Variants in GNG4 observed in about 807,000 individuals in gnomAD.
GNG4 encodes guanine nucleotide-binding protein G(I)/G(S)/G(O) subunit gamma-4.
Under a neutral mutation model 5.8 loss-of-function variants are expected in GNG4, and 4 were observed. The ratio of observed to expected loss-of-function variants is 0.69; its 90% CI spans 0.34 to 1.57. The LOEUF (loss-of-function observed/expected upper bound fraction) is 1.57. Ranked by LOEUF, GNG4 falls within the 40% of genes most tolerant of loss-of-function variation. The probability of loss-of-function intolerance (pLI) is 0.06; values close to 1 mark genes in which losing one functional copy is unlikely to be tolerated. For synonymous variants in GNG4, 29 were observed against 32.9 expected, an observed-to-expected ratio of 0.88 and a Z score of 0.41; for missense variants, 96 against 95.1, an observed-to-expected ratio of 1.01 and a Z score of -0.04.
At chr1:235,593,445 G>C (rs1304491319) in intron 2 of GNG4, among the ~76,000 whole-genome samples, 3 of 152,170 alleles carry the variant, frequency 2.0e-5, no homozygotes, top group African/African-American at 7.2e-5. Flanking sequence ...TACGACTTCT[G>C]TCCATGAGCA....
intron 2 of GNG4, among the ~76,000 whole-genome samples, chr1:235,593,483 TACAGCC>T (rs1688035005): frequency 1.3e-5 from 2 of 152,246 alleles, no homozygotes; most frequent in African/African-American, 2.4e-5. Flanking sequence ...GGCAGAATAC[TACAGCC>T]GGCCTTCCGG....
intron 1 of GNG4, chr1:235,616,388 C>T: frequency 3.1e-6 from 1 of 326,352 alleles, no homozygotes; most frequent in Admixed American, 3.6e-5. Context: ...AGGACAGATC[C>T]AGATTGGGTA....
chr1:235,604,182 C>CT (rs1163018089), intron 1 of GNG4, among the ~76,000 whole-genome samples: 1 of 152,162 alleles, frequency 6.6e-6, no homozygotes, highest in Non-Finnish European at 1.5e-5. Flanking sequence ...ACGGTGTTGA[C>CT]CGGCACGTAT....
chr1:235,574,049 C>A (rs1302437755), intron 3 of GNG4, among the ~76,000 whole-genome samples: 2 of 152,024 alleles, frequency 1.3e-5, no homozygotes, highest in Non-Finnish European at 2.9e-5. Context: ...TGGTTATAGA[C>A]CATTCCAATT....
At chr1:235,555,777 C>T (rs1484988603) in intron 3 of GNG4, among the ~76,000 whole-genome samples, 1 of 151,712 alleles carries the variant, frequency 6.6e-6, no homozygotes. Flanking sequence ...TACGTGTATA[C>T]ATTATAGAAT....
intron 1 of GNG4, among the ~76,000 whole-genome samples, chr1:235,609,911 T>A (rs1405646369): frequency 1.3e-5 from 2 of 152,080 alleles, no homozygotes; most frequent in Non-Finnish European, 2.9e-5. Flanking sequence ...CTTGAACCAC[T>A]TGAATGGGAG....
rs1272260458 is a variant in GNG4, at chr1:235,642,875, C to T, written c.-123+6787G>A. Reference sequence around the variant, plus strand: ...CCCTCGATGTCACCTCCTGACTTGGCAAGTCATACACCCTCTCTCTACTTG... The same window carrying T: ...CCCTCGATGTCACCTCCTGACTTGGTAAGTCATACACCCTCTCTCTACTTG... On this transcript the variant is annotated intron_variant, in intron 1 of 3. Coordinates refer to ENST00000391854, the MANE Select transcript of GNG4 (RefSeq NM_001098722.2). The surrounding 1 kb of genome is among the most constrained non-coding windows in gnomAD (Gnocchi z 4.3). Among the ~76,000 whole-genome samples the T allele has an allele frequency of 6.6e-6, 1 of 152,092 alleles. No individual in the cohort carries two copies. Among genetic ancestry groups the T allele is most frequent in the Non-Finnish European group, 1.5e-5 (1 of 68,010 alleles).
chr1:235,631,541 C>G (rs555292630), intron 1 of GNG4, among the ~76,000 whole-genome samples: 1 of 151,558 alleles, frequency 6.6e-6, no homozygotes, highest in Non-Finnish European at 1.5e-5. Context: ...TGTTTGCATG[C>G]CCAGCGTAGC....
chr1:235,590,682 T>A (rs1204430071), intron 2 of GNG4, among the ~76,000 whole-genome samples: 3 of 152,148 alleles, frequency 2.0e-5, no homozygotes, highest in Non-Finnish European at 4.4e-5. Context: ...GTGTGCGTGT[T>A]TGTGTTTTCT....
intron 3 of GNG4, among the ~76,000 whole-genome samples, chr1:235,581,353 C>T (rs1166693452): frequency 6.6e-6 from 1 of 151,988 alleles, no homozygotes; most frequent in Admixed American, 6.6e-5. Context: ...CACGGTGAAA[C>T]CCCGTCTCTA....
chr1:235,574,744 T>G (rs563042342), intron 3 of GNG4, among the ~76,000 whole-genome samples: 13 of 152,334 alleles, frequency 8.5e-5, no homozygotes, highest in African/African-American at 2.2e-4. Flanking sequence ...TCTTTCTCTT[T>G]TTCTGTTTTC....
Position 235,587,589 on chromosome 1 carries a change from G to GGA in GNG4, c.-10-3742_-10-3741insTC, listed in dbSNP as rs1558486299. ...GGGAGGGTGTGGGGTGGCGGTGAGT[G>GGA]TGAGTGTGGGAGGGCATGGGGTGGG... On this transcript the variant is annotated intron_variant, in intron 2 of 3. Coordinates refer to ENST00000391854, the MANE Select transcript of GNG4 (RefSeq NM_001098722.2). 8.3e-4 allele frequency among the ~76,000 whole-genome samples: 4 copies of GGA among 4,848 alleles called. 1 individual carries two copies. Among genetic ancestry groups the GGA allele is most frequent in the East Asian group, 0.017 (2 of 120 alleles). 3.2% of individuals were successfully genotyped at this position (4,848 alleles called of 152,430 possible).
At chr1:235,597,350 G>C (rs1220208628) in intron 1 of GNG4, among the ~76,000 whole-genome samples, 1 of 152,142 alleles carries the variant, frequency 6.6e-6, no homozygotes, top group South Asian at 2.1e-4. Context: ...GTTGTGCTTG[G>C]TGCATTTTTC....
intron 2 of GNG4, among the ~76,000 whole-genome samples, chr1:235,585,220 TCCTTTCCTTC>T (rs1319761198): frequency 6.6e-6 from 1 of 151,698 alleles, no homozygotes; most frequent in Admixed American, 6.6e-5. Flanking sequence ...TCCTTTCCTT[TCCTTTCCTTC>T]CCCTTCCCTT....
intron 3 of GNG4, among the ~76,000 whole-genome samples, chr1:235,581,508 C>A (rs1337650810): frequency 3.3e-5 from 5 of 151,738 alleles, no homozygotes; most frequent in African/African-American, 1.2e-4. Context: ...GAGCGAGACT[C>A]CGTCTCAAAA....
At chr1:235,634,571 T>C (rs1688993006) in intron 1 of GNG4, among the ~76,000 whole-genome samples, 1 of 152,220 alleles carries the variant, frequency 6.6e-6, no homozygotes, top group Admixed American at 6.5e-5. Context: ...TTATAGCTTA[T>C]CTGTATTTTC....
intron 3 of GNG4, among the ~76,000 whole-genome samples, chr1:235,561,364 TTC>T (rs1327741959): frequency 6.6e-6 from 1 of 151,764 alleles, no homozygotes; most frequent in Admixed American, 6.6e-5. Context: ...GTTTTAAGGG[TTC>T]TCTCTCTCTT....
chr1:235,586,376 C>T (rs1358236656), intron 2 of GNG4, among the ~76,000 whole-genome samples: 1 of 151,092 alleles, frequency 6.6e-6, no homozygotes, highest in Non-Finnish European at 1.5e-5. Flanking sequence ...GTGGCCATCT[C>T]TCCGTGTGTG....
intron 1 of GNG4, among the ~76,000 whole-genome samples, chr1:235,596,129 G>A (rs1377899734): frequency 6.7e-6 from 1 of 148,816 alleles, no homozygotes; most frequent in African/African-American, 2.5e-5. Context: ...AGCCAAGATC[G>A]CTCCACTGCA....
Sources: allele counts gnomAD v4.1 joint callset (sites outside exome capture counted in the v4.1 genomes callset), GRCh38; gene constraint gnomAD v4.1.1; non-coding constraint Gnocchi (gnomAD v3.1); transcripts MANE v1.5; gene names NCBI Gene and HGNC (gene_info 2026-07-23, HGNC 2026-07-21).